Variants in SDK1 observed in about 807,000 individuals in gnomAD.
SDK1 encodes protein sidekick-1.
SDK1 carries 157 observed loss-of-function variants against 245.5 expected under a neutral mutation model. That is an observed-to-expected ratio of 0.64 (90% CI 0.56 to 0.73). The LOEUF is 0.73. SDK1 is among the 30% of genes least tolerant of loss of function. The pLI is 0.00. For missense variants in SDK1, 3,583 were observed against 3,002.3 expected, an observed-to-expected ratio of 1.19 and a Z score of -4.52; for synonymous variants, 1,647 against 1,278.5, an observed-to-expected ratio of 1.29 and a Z score of -6.15.
chr7:4,073,464 G>A (rs1780394948), intron 20 of SDK1, among the ~76,000 whole-genome samples: 1 of 152,174 alleles, frequency 6.6e-6, no homozygotes, highest in Admixed American at 6.5e-5. Flanking sequence ...TATCAACACT[G>A]CTCTTCCTGA....
intron 17 of SDK1, among the ~76,000 whole-genome samples, chr7:4,021,247 C>T (rs1786869137): frequency 6.6e-6 from 1 of 152,188 alleles, no homozygotes; most frequent in African/African-American, 2.4e-5. Context: ...AAATCAGCCT[C>T]ACTCATGCAC....
At chr7:3,537,084 A>G (rs964716476) in intron 1 of SDK1, among the ~76,000 whole-genome samples, 1 of 152,224 alleles carries the variant, frequency 6.6e-6, no homozygotes, top group African/African-American at 2.4e-5. Flanking sequence ...AAAACATTCC[A>G]GTAATCTCAT....
intron 17 of SDK1, among the ~76,000 whole-genome samples, chr7:4,035,053 A>G (rs1788114171): frequency 6.6e-6 from 1 of 152,282 alleles, no homozygotes; most frequent in African/African-American, 2.4e-5. Flanking sequence ...GTCTTGGCTC[A>G]CCGCAACTTC....
chr7:3,636,931 T>A (rs142040540), intron 2 of SDK1, among the ~76,000 whole-genome samples: 202 of 152,298 alleles, frequency 1.3e-3, no homozygotes, highest in Non-Finnish European at 2.4e-3. Flanking sequence ...CCCTGATGAT[T>A]AGGGACATTG....
chr7:3,557,567 A>T (rs767646919), intron 1 of SDK1, among the ~76,000 whole-genome samples: 32 of 152,348 alleles, frequency 2.1e-4, no homozygotes, highest in Non-Finnish European at 4.3e-4. Context: ...GTACACACCT[A>T]CAAGTAAATA....
chr7:3,518,181 G>T (rs1334110927), intron 1 of SDK1, among the ~76,000 whole-genome samples: 7 of 152,000 alleles, frequency 4.6e-5, no homozygotes, highest in South Asian at 4.2e-4. Flanking sequence ...TTGTTTAGAG[G>T]TGAATAATTT....
At chr7:3,911,106 C>T (rs1779147077) in intron 5 of SDK1, among the ~76,000 whole-genome samples, 3 of 152,196 alleles carry the variant, frequency 2.0e-5, no homozygotes, top group African/African-American at 7.2e-5. Context: ...GAGGCCTCTG[C>T]AGTCTTTGTA....
intron 1 of SDK1, among the ~76,000 whole-genome samples, chr7:3,333,238 T>C (rs943467637): frequency 1.3e-5 from 2 of 152,158 alleles, no homozygotes; most frequent in African/African-American, 2.4e-5. Flanking sequence ...TGGCCGGTTA[T>C]TGGCAAAAAT....
chr7:3,351,545 A>C (rs1380755659), intron 1 of SDK1, among the ~76,000 whole-genome samples: 2 of 152,218 alleles, frequency 1.3e-5, no homozygotes, highest in Admixed American at 6.5e-5. Flanking sequence ...CTAGGTTTAC[A>C]AGAAGCATAT....
intron 1 of SDK1, among the ~76,000 whole-genome samples, chr7:3,380,694 C>T (rs1198086194): frequency 1.3e-5 from 2 of 152,188 alleles, no homozygotes; most frequent in African/African-American, 2.4e-5. Context: ...CTCTTTCTGT[C>T]TTCTTGATTT....
At chr7:3,407,589 A>G (rs982840381) in intron 1 of SDK1, among the ~76,000 whole-genome samples, 2 of 152,216 alleles carry the variant, frequency 1.3e-5, no homozygotes, top group African/African-American at 2.4e-5. Context: ...GCCAGCTTTC[A>G]TTTAAGAAAT....
chr7:3,565,896 G>A (rs765259511), intron 1 of SDK1, among the ~76,000 whole-genome samples: 14 of 152,118 alleles, frequency 9.2e-5, no homozygotes, highest in Non-Finnish European at 1.5e-4. Context: ...CCATAGATGT[G>A]GAACCCACAG....
At chr7:3,330,807 T>TAAAAAA (rs35013618) in intron 1 of SDK1, among the ~76,000 whole-genome samples, 1 of 115,374 alleles carries the variant, frequency 8.7e-6, no homozygotes, top group African/African-American at 3.2e-5. Flanking sequence ...CCATTTCGCT[T>TAAAAAA]AAAAAAAAAA....
intron 1 of SDK1, among the ~76,000 whole-genome samples, chr7:3,492,861 A>T (rs562442570): frequency 1.3e-5 from 2 of 152,260 alleles, no homozygotes; most frequent in African/African-American, 4.8e-5. Flanking sequence ...TAAAATTTTG[A>T]TAAAGATAAG....
chr7:3,507,694 C>T (rs956162303), intron 1 of SDK1, among the ~76,000 whole-genome samples: 3 of 152,172 alleles, frequency 2.0e-5, no homozygotes, highest in Admixed American at 6.5e-5. Flanking sequence ...TTACTGAGTG[C>T]TGTATGCAGT....
intron 4 of SDK1, among the ~76,000 whole-genome samples, chr7:3,672,596 A>C (rs11976733): frequency 7.1e-6 from 1 of 141,754 alleles, no homozygotes; most frequent in African/African-American, 2.6e-5. Flanking sequence ...TATATATATA[A>C]TATATATATT....
chr7:3,957,529 A>G (rs1310587998), intron 7 of SDK1, among the ~76,000 whole-genome samples: 1 of 152,134 alleles, frequency 6.6e-6, no homozygotes, highest in Non-Finnish European at 1.5e-5. Flanking sequence ...TCATAAGCAA[A>G]TGTTGTTGTC....
At chr7:3,552,235 C>T (rs1304160708) in intron 1 of SDK1, among the ~76,000 whole-genome samples, 1 of 152,118 alleles carries the variant, frequency 6.6e-6, no homozygotes, top group East Asian at 1.9e-4. Flanking sequence ...GACGGGGTTT[C>T]ACTGTATTAG....
chr7:4,073,493 G>T (rs1364590022), intron 20 of SDK1, among the ~76,000 whole-genome samples: 1 of 152,212 alleles, frequency 6.6e-6, no homozygotes, highest in East Asian at 1.9e-4. Flanking sequence ...GAATTGCCGT[G>T]TTTCAGCTCT....
Sources: allele counts gnomAD v4.1 joint callset (sites outside exome capture counted in the v4.1 genomes callset), GRCh38; gene constraint gnomAD v4.1.1; transcripts MANE v1.5; gene names NCBI Gene and HGNC (gene_info 2026-07-23, HGNC 2026-07-21).